FUT8: variants seen among roughly 807,000 people sequenced by gnomAD.
FUT8 encodes fucosyltransferase 8, also known as alpha-(1,6)-fucosyltransferase.
In FUT8, 29 loss-of-function variants were observed where a neutral mutation model predicts 71.3. The observed-to-expected ratio is 0.41, with a 90% CI of 0.30 to 0.55. The LOEUF (loss-of-function observed/expected upper bound fraction) is 0.55, where lower values mean the gene tolerates loss of function less well. Ranked by LOEUF, FUT8 falls within the 20% of genes least tolerant of loss-of-function variation. The pLI is 0.34. For synonymous variants in FUT8, 254 were observed against 239.3 expected (o/e 1.06, Z -0.57); for missense variants, 544 against 702.1 (o/e 0.77, Z 2.55).
chr14:65,416,009 G>A (rs2065214615), intron 1 of FUT8, among the ~76,000 whole-genome samples: 1 of 152,140 alleles, frequency 6.6e-6, no homozygotes, highest in African/African-American at 2.4e-5. Flanking sequence ...TGCAGATAGT[G>A]TTTGGGCTGT....
intron 1 of FUT8, among the ~76,000 whole-genome samples, chr14:65,450,235 ACT>A (rs1259612780): frequency 2.0e-5 from 3 of 151,904 alleles, no homozygotes; most frequent in African/African-American, 7.3e-5. Context: ...AAAATGACTG[ACT>A]CTGTTCAATA....
At chr14:65,439,973 T>C (rs1172942949) in intron 1 of FUT8, among the ~76,000 whole-genome samples, 8 of 135,964 alleles carry the variant, frequency 5.9e-5, no homozygotes, top group Admixed American at 3.6e-4. Flanking sequence ...TATATATATA[T>C]ATATATATAT....
At chr14:65,518,583 T>G (rs983404141) in intron 2 of FUT8, among the ~76,000 whole-genome samples, 2 of 152,180 alleles carry the variant, frequency 1.3e-5, no homozygotes, top group African/African-American at 4.8e-5. Flanking sequence ...TAGAGTGTAG[T>G]GGCTTGATCT....
chr14:65,552,301 A>G lies in FUT8; in HGVS notation c.-227-9036A>G, dbSNP rs74058513. Reference sequence around the variant, plus strand: ...ATTAGAACCCACTGTAATATTACCTATTGAAGGCAGGGATTTGTGTCTGTC... The same window carrying G: ...ATTAGAACCCACTGTAATATTACCTGTTGAAGGCAGGGATTTGTGTCTGTC... On this transcript the variant is annotated intron_variant, in intron 2 of 10. Transcript: ENST00000673929. 8.0e-3 allele frequency among the ~76,000 whole-genome samples: 1,222 copies of G among 152,188 alleles called. 9 individuals are homozygous for G. Among genetic ancestry groups the G allele is most frequent in the African/African-American group, 0.024 (1,017 of 41,538 alleles).
Position 65,660,374 on chromosome 14 carries a change from A to G in FUT8, c.598-8869A>G, listed in dbSNP as rs17102836. 0.064 allele frequency among the ~76,000 whole-genome samples: 9,807 copies of G among 152,220 alleles called. 582 individuals carry two copies. Among genetic ancestry groups the G allele is most frequent in the African/African-American group, 0.15 (6,390 of 41,522 alleles). On this transcript the variant is annotated intron_variant, in intron 6 of 10. Transcript: ENST00000673929. This position sits in a 1 kb window ranked among gnomAD's most constrained non-coding sequence, Gnocchi z 4.1. ...TAATAGAGACTTTCAGGTAAAGAGC[A>G]AAAGTTTTTAAAATGTATTATTTAA...
At chr14:65,506,764 A>G (rs1239012234) in intron 2 of FUT8, among the ~76,000 whole-genome samples, 1 of 152,328 alleles carries the variant, frequency 6.6e-6, no homozygotes, top group East Asian at 1.9e-4. Context: ...TCAAGCATTT[A>G]TCCTTTGTGT....
chr14:65,470,023 C>T (rs1315271790), intron 2 of FUT8, among the ~76,000 whole-genome samples: 1 of 152,236 alleles, frequency 6.6e-6, no homozygotes, highest in African/African-American at 2.4e-5. Flanking sequence ...TGTCTGCTTC[C>T]TGCCACTTTC....
intron 7 of FUT8, among the ~76,000 whole-genome samples, chr14:65,686,359 G>C (rs192398728): frequency 6.6e-6 from 1 of 152,250 alleles, no homozygotes; most frequent in African/African-American, 2.4e-5. Context: ...TCTAGCCTGA[G>C]ACACTTGTTC....
At chr14:65,387,439 A>G in the FUT8 span, among the ~76,000 whole-genome samples, 3 of 152,254 alleles carry the variant, frequency 2.0e-5, no homozygotes, top group South Asian at 4.1e-4. Flanking sequence ...TTCCTCACAC[A>G]TGTGTGCTGA....
At chr14:65,379,948 C>T in the FUT8 span, among the ~76,000 whole-genome samples, 1 of 152,296 alleles carries the variant, frequency 6.6e-6, no homozygotes, top group East Asian at 1.9e-4. Context: ...TTTTATAAGG[C>T]ACTAATCTAT....
At chr14:65,724,966 T>C (rs1354501138) in intron 9 of FUT8, among the ~76,000 whole-genome samples, 2 of 152,076 alleles carry the variant, frequency 1.3e-5, no homozygotes, top group Non-Finnish European at 2.9e-5. Flanking sequence ...GGATTCAACA[T>C]AGGAATTTGT....
At chr14:65,580,089 T>TATATATATATATATAG (rs1227052957) in intron 3 of FUT8, among the ~76,000 whole-genome samples, 6 of 148,966 alleles carry the variant, frequency 4.0e-5, no homozygotes, top group African/African-American at 1.5e-4. Context: ...TATATATATA[T>TATATATATATATATAG]AGTCATGCAT....
chr14:65,538,493 C>T (rs1389618059), intron 2 of FUT8, among the ~76,000 whole-genome samples: 1 of 152,170 alleles, frequency 6.6e-6, no homozygotes, highest in Non-Finnish European at 1.5e-5. Flanking sequence ...TTCCTCCTGG[C>T]TGCATCTGGT....
At chr14:65,434,217 A>C (rs749454031) in intron 1 of FUT8, among the ~76,000 whole-genome samples, 4 of 152,248 alleles carry the variant, frequency 2.6e-5, no homozygotes, top group African/African-American at 4.8e-5. Flanking sequence ...GAGATGGAGA[A>C]GTCCAGGAAC....
intron 7 of FUT8, among the ~76,000 whole-genome samples, chr14:65,692,627 A>G (rs1428535048): frequency 6.8e-6 from 1 of 146,276 alleles, no homozygotes; most frequent in Non-Finnish European, 1.5e-5. Flanking sequence ...CCCCCCTCCC[A>G]GACGGGGTGG....
intron 2 of FUT8, among the ~76,000 whole-genome samples, chr14:65,491,111 TTCTTACC>T (rs1184006959): frequency 6.6e-6 from 1 of 152,142 alleles, no homozygotes; most frequent in Non-Finnish European, 1.5e-5. Flanking sequence ...TAGGACATGG[TTCTTACC>T]TCAAAGTACA....
intron 1 of FUT8, among the ~76,000 whole-genome samples, chr14:65,434,518 A>G (rs1173615009): frequency 6.6e-6 from 1 of 152,218 alleles, no homozygotes; most frequent in African/African-American, 2.4e-5. Context: ...GGGAAAAGGA[A>G]TTTGAAGTAG....
chr14:65,439,993 T>TATATATATATAC (rs1555361023), intron 1 of FUT8, among the ~76,000 whole-genome samples: 4 of 138,166 alleles, frequency 2.9e-5, no homozygotes, highest in African/African-American at 7.9e-5. Flanking sequence ...TATATATATG[T>TATATATATATAC]ACACACACAC....
intron 5 of FUT8, among the ~76,000 whole-genome samples, chr14:65,618,033 A>ATG (rs1889385189): frequency 2.7e-5 from 3 of 111,414 alleles, no homozygotes; most frequent in African/African-American, 9.5e-5. Flanking sequence ...ATATATATAT[A>ATG]TATATATATA....
Sources: allele counts gnomAD v4.1 joint callset (sites outside exome capture counted in the v4.1 genomes callset), GRCh38; gene constraint gnomAD v4.1.1; non-coding constraint Gnocchi (gnomAD v3.1); transcripts MANE v1.5; gene names NCBI Gene and HGNC (gene_info 2026-07-23, HGNC 2026-07-21).